ULK4: variants seen among roughly 807,000 people sequenced by gnomAD.
ULK4 encodes the protein unc-51 like kinase 4.
In ULK4, 133 loss-of-function variants were observed where a neutral mutation model predicts 160.6. That is an observed-to-expected ratio of 0.83 (90% CI 0.72 to 0.96). ULK4 has a LOEUF of 0.96. Among genes scored for constraint, ULK4 ranks in the 40% least tolerant of loss-of-function variants. The pLI, the probability that ULK4 is intolerant of heterozygous loss-of-function variation, is 0.00. For missense variants in ULK4, 1,580 were observed against 1,499.5 expected (o/e 1.05, Z -0.89); for synonymous variants, 534 against 539.8 (o/e 0.99, Z 0.15).
chr3:41,276,027 T>G (rs2079223225), intron 35 of ULK4, among the ~76,000 whole-genome samples: 1 of 152,170 alleles, frequency 6.6e-6, no homozygotes, highest in Non-Finnish European at 1.5e-5. Context: ...ACAGAATAGG[T>G]AACAAACAGG....
intron 30 of ULK4, among the ~76,000 whole-genome samples, chr3:41,652,344 G>T (rs1256075860): frequency 6.6e-6 from 1 of 152,146 alleles, no homozygotes; most frequent in African/African-American, 2.4e-5. Context: ...AAGAATTTAG[G>T]TTGGTGTTTT....
intron 30 of ULK4, among the ~76,000 whole-genome samples, chr3:41,642,439 G>A (rs2034258964): frequency 6.6e-6 from 1 of 151,996 alleles, no homozygotes; most frequent in South Asian, 2.1e-4. Context: ...AACATGCAGT[G>A]TTTGGTTTTT....
chr3:41,898,381 G>C, intron 14 of ULK4, 51 bp downstream of exon 14: 5 of 1,084,732 alleles, frequency 4.6e-6, no homozygotes, highest in Non-Finnish European at 6.6e-6. Context: ...TTTCATATTT[G>C]TATCTGTATA....
At chr3:41,640,867 A>T (rs570208173) in intron 30 of ULK4, among the ~76,000 whole-genome samples, 17 of 152,170 alleles carry the variant, frequency 1.1e-4, no homozygotes, top group Non-Finnish European at 1.9e-4. Flanking sequence ...GGAAGATGTC[A>T]ATTCACTGGA....
chr3:41,895,311 T>C lies in ULK4; in HGVS notation c.1577+207A>G, dbSNP rs534695570. ...GGAGTACCTTAGATAATCCCAGAAT[T>C]GTATTTGTAATATTAGGAGAAGGGC... On this transcript the variant is annotated intron_variant, in intron 16 of 36. Transcript: ENST00000301831. Among the ~76,000 whole-genome samples the C allele has an allele frequency of 1.8e-4, 27 of 152,272 alleles. No individual in the cohort carries two copies. The South Asian group carries it at 3.3e-3, about 19-fold the overall frequency.
intron 21 of ULK4, among the ~76,000 whole-genome samples, chr3:41,758,394 A>G (rs1390644773): frequency 6.6e-6 from 1 of 152,222 alleles, no homozygotes; most frequent in African/African-American, 2.4e-5. Flanking sequence ...ATCATTAAAT[A>G]AGCATTTATA....
chr3:41,716,876 CAAAG>C (rs1015557313), intron 23 of ULK4, among the ~76,000 whole-genome samples: 47 of 151,948 alleles, frequency 3.1e-4, no homozygotes, highest in African/African-American at 1.0e-3. Context: ...TTTTTCAAAC[CAAAG>C]AAAGTTTCAA....
chr3:41,584,676 T>A (rs941467803), intron 31 of ULK4, among the ~76,000 whole-genome samples: 78 of 152,064 alleles, frequency 5.1e-4, no homozygotes, highest in African/African-American at 1.8e-3. Context: ...AAAAACACAC[T>A]AAAAATAGGG....
chr3:41,565,270 C>T (rs189684053), intron 32 of ULK4, among the ~76,000 whole-genome samples: 1 of 152,320 alleles, frequency 6.6e-6, no homozygotes, highest in East Asian at 1.9e-4. Context: ...TACAGAAATG[C>T]ATAAGATATA....
At chr3:41,341,583 G>T (rs72864971) in intron 35 of ULK4, among the ~76,000 whole-genome samples, 213 of 152,268 alleles carry the variant, frequency 1.4e-3, no homozygotes, top group African/African-American at 4.9e-3. Context: ...CCTGTGGGCT[G>T]GTAGGATGCA....
intron 17 of ULK4, among the ~76,000 whole-genome samples, chr3:41,878,213 T>C (rs148670430): frequency 6.3e-4 from 96 of 152,084 alleles, no homozygotes; most frequent in African/African-American, 2.2e-3. Flanking sequence ...AACAAGCCTA[T>C]GAAAGCTCAC....
intron 34 of ULK4, among the ~76,000 whole-genome samples, chr3:41,427,120 C>T (rs1431217596): frequency 6.6e-6 from 1 of 152,046 alleles, no homozygotes; most frequent in African/African-American, 2.4e-5. Flanking sequence ...AATCACCAAA[C>T]AATACTATAA....
intron 31 of ULK4, among the ~76,000 whole-genome samples, chr3:41,589,807 C>T (rs2031142738): frequency 6.6e-6 from 1 of 151,738 alleles, no homozygotes; most frequent in Non-Finnish European, 1.5e-5. Flanking sequence ...TATTGCTACA[C>T]AAAAGAAGAA....
intron 35 of ULK4, among the ~76,000 whole-genome samples, chr3:41,267,297 G>A (rs1403878996): frequency 2.6e-5 from 4 of 152,018 alleles, no homozygotes; most frequent in African/African-American, 9.7e-5. Context: ...GTTTGCTGAG[G>A]ATGATGGCTT....
At chr3:41,642,445 T>C (rs1018414939) in intron 30 of ULK4, among the ~76,000 whole-genome samples, 11 of 152,126 alleles carry the variant, frequency 7.2e-5, no homozygotes, top group Non-Finnish European at 1.0e-4. Context: ...CAGTGTTTGG[T>C]TTTTTGTCCT....
chr3:41,748,205 TAGAG>T (rs149689953), intron 22 of ULK4, among the ~76,000 whole-genome samples: 11,957 of 148,472 alleles, frequency 0.081, 1,510 homozygotes, highest in African/African-American at 0.27. Flanking sequence ...ATACCATATA[TAGAG>T]AGAGAGGCCA....
rs11921778 is a variant in ULK4 at position 41,455,992 on chromosome 3, C to T, written c.3394-397G>A. On this transcript the variant is annotated intron_variant, in intron 33 of 36. Transcript: ENST00000301831. ...TGGCACAATCTCAGCTCACTGCAAC[C>T]TCTGCCTCCTGGGTTCAAGCGATTC... Among the ~76,000 whole-genome samples the T allele has an allele frequency of 7.9e-3, 1,208 of 152,304 alleles. 15 individuals carry two copies. The highest frequency in any genetic ancestry group is 0.026 in the African/African-American group (1,084 of 41,550).
chr3:41,757,923 G>A (rs552186429), intron 21 of ULK4, among the ~76,000 whole-genome samples: 6 of 152,216 alleles, frequency 3.9e-5, no homozygotes, highest in South Asian at 4.1e-4. Context: ...CACCATGCCT[G>A]GCCGAAATGC....
chr3:41,773,938 C>T (rs1015469138), intron 21 of ULK4, among the ~76,000 whole-genome samples: 2 of 152,184 alleles, frequency 1.3e-5, no homozygotes, highest in South Asian at 2.1e-4. Flanking sequence ...ACTATCTGAT[C>T]TTTGACAAAC....
Sources: gnomAD v4.1 joint callset for allele counts (sites outside exome capture counted in the v4.1 genomes callset) on GRCh38, gnomAD v4.1.1 for gene constraint, MANE v1.5 for transcripts, NCBI Gene and HGNC (gene_info 2026-07-23, HGNC 2026-07-21) for gene names.